Variants in GPM6B observed in about 807,000 individuals in gnomAD.
GPM6B encodes glycoprotein M6B, also known as neuronal membrane glycoprotein M6-b.
Under a neutral mutation model 27.2 loss-of-function variants are expected in GPM6B, and 4 were observed. That is an observed-to-expected ratio of 0.15 (90% CI 0.07 to 0.34). The LOEUF (loss-of-function observed/expected upper bound fraction) is 0.34. GPM6B is among the 10% of genes least tolerant of loss of function. The pLI is 1.00. For missense variants in GPM6B, 183 were observed against 261.9 expected (o/e 0.70, Z 2.08); for synonymous variants, 124 against 103.1 (o/e 1.20, Z -1.23).
At chrX:13,865,392 C>T (rs1043509704) in intron 1 of GPM6B, among the ~76,000 whole-genome samples, 3 of 107,027 alleles carry the variant, frequency 2.8e-5, no homozygotes, top group Admixed American at 1.0e-4. Flanking sequence ...AAAGAGGTCA[C>T]GGGCCAAATT....
chrX:13,836,108 T>C (rs779894985), intron 1 of GPM6B, among the ~76,000 whole-genome samples: 40 of 112,159 alleles, frequency 3.6e-4, no homozygotes, highest in Non-Finnish European at 6.8e-4. Context: ...TTTTGTGACC[T>C]GCCAGAGTTT....
chrX:13,826,227 A>C (rs1473907920), intron 1 of GPM6B, among the ~76,000 whole-genome samples: 1 of 110,391 alleles, frequency 9.1e-6, no homozygotes, highest in African/African-American at 3.3e-5. Flanking sequence ...CGGGGACCTG[A>C]GTAGGGCTGA....
At chrX:13,892,916 ATACCT>A (rs746039886) in intron 1 of GPM6B, among the ~76,000 whole-genome samples, 1 of 112,109 alleles carries the variant, frequency 8.9e-6, no homozygotes, top group South Asian at 3.7e-4. Flanking sequence ...ATGGTGGTGC[ATACCT>A]GCAGTCCCAG....
intron 1 of GPM6B, among the ~76,000 whole-genome samples, chrX:13,840,443 G>GT (rs1295753075): frequency 1.8e-5 from 2 of 111,606 alleles, no homozygotes; most frequent in Non-Finnish European, 3.8e-5. Flanking sequence ...ACATTTCCTG[G>GT]TGTCCCCATC....
At position 13,773,953 on chromosome X, in the gene GPM6B, C is replaced by CTTTTTTT. The variant is rs772367299; in HGVS notation, c.838-930_838-924dup. ...AAAAAAAACTACCCACATATAAATCCTTTTTTTTTTTTTTTTTTTTTTTTT... is the reference window on the plus strand; with the variant it reads ...AAAAAAAACTACCCACATATAAATCCTTTTTTTTTTTTTTTTTTTTTTTTTTTTTTTT... On this transcript the variant is annotated intron_variant, in intron 7 of 7. Coordinates refer to ENST00000316715, the MANE Select transcript of GPM6B (RefSeq NM_001001995.3). 17 of 436,313 alleles carry CTTTTTTT rather than the reference C, an allele frequency of 3.9e-5. 1 individual carries two copies. The highest frequency in any genetic ancestry group is 4.2e-5 in the Non-Finnish European group (16 of 379,638). The allele number at this position is 436,313 out of a possible 1,213,427, so 36.0% of individuals were successfully genotyped here.
At chrX:13,890,146 G>A (rs1289609533) in intron 1 of GPM6B, among the ~76,000 whole-genome samples, 1 of 111,344 alleles carries the variant, frequency 9.0e-6, no homozygotes, top group Non-Finnish European at 1.9e-5. Context: ...AGACCTTGCT[G>A]ATAAAACAGG....
At chrX:13,870,096 G>A (rs910847370) in intron 1 of GPM6B, among the ~76,000 whole-genome samples, 2 of 111,780 alleles carry the variant, frequency 1.8e-5, no homozygotes, top group African/African-American at 3.3e-5. Flanking sequence ...ATTCAGCTGG[G>A]GTTATGCATC....
chrX:13,833,249 C>T (rs187677692), intron 1 of GPM6B, among the ~76,000 whole-genome samples: 34 of 111,744 alleles, frequency 3.0e-4, no homozygotes, highest in African/African-American at 1.0e-3. Flanking sequence ...ATAATTTCTA[C>T]ATCAATGACA....
Position 13,778,923 on chromosome X carries a change from T to C in GPM6B, c.697+895A>G, listed in dbSNP as rs146109648. ...TAGTATTATGTTGTAAGGTAAGATG[T>C]TGAGACTAAGCCACATGAGAAAAAC... On this transcript the variant is annotated intron_variant, in intron 5 of 7. Transcript: ENST00000316715. 3.5e-3 allele frequency among the ~76,000 whole-genome samples: 391 copies of C among 112,207 alleles called. 3 individuals carry two copies. Among genetic ancestry groups the C allele is most frequent in the Non-Finnish European group, 5.2e-3 (277 of 53,226 alleles).
At chrX:13,793,655 G>C (rs183980338) in intron 2 of GPM6B, among the ~76,000 whole-genome samples, 1 of 112,353 alleles carries the variant, frequency 8.9e-6, no homozygotes, top group African/African-American at 3.2e-5. Context: ...TTATAGAGCA[G>C]AGGTTCTCCA....
At chrX:13,777,018 A>G (rs1049745712) in intron 6 of GPM6B, among the ~76,000 whole-genome samples, 1 of 66,234 alleles carries the variant, frequency 1.5e-5, no homozygotes, top group African/African-American at 7.6e-5. Flanking sequence ...AATCTTTCAA[A>G]GTAGAAAGAG....
At position 13,783,507 on chromosome X, in the gene GPM6B, T is replaced by C. The variant is rs373648218; in HGVS notation, c.383A>G (p.Gln128Arg). 3 of 1,196,189 alleles carry C rather than the reference T, an allele frequency of 2.5e-6. No homozygotes were observed. The highest frequency in any genetic ancestry group is 3.4e-6 in the Non-Finnish European group (3 of 887,002). The change falls in exon 4 of 8, where the codon CAG becomes CGG. Residue 128 changes from glutamine (Q) to arginine (R), a missense_variant. Gln to Arg is a conservative substitution (Grantham distance 43, BLOSUM62 1). Coordinates refer to ENST00000316715, the MANE Select transcript of GPM6B (RefSeq NM_001001995.3). ...GGACGCAATTCCATAGATGACATAC[T>C]GCATCAGTTGTATCCTACAAAGAGA... ...ALLSEVIQLM[Q>R]YVIYGIASFF...
At chrX:13,866,357 C>G (rs1362323914) in intron 1 of GPM6B, among the ~76,000 whole-genome samples, 1 of 111,940 alleles carries the variant, frequency 8.9e-6, no homozygotes, top group Non-Finnish European at 1.9e-5. Flanking sequence ...GAGTGAAACT[C>G]CGTCTCAAAA....
upstream of GPM6B, among the ~76,000 whole-genome samples, chrX:13,820,412 G>A (rs1341333080): frequency 9.0e-6 from 1 of 110,761 alleles, no homozygotes; most frequent in African/African-American, 3.3e-5. Context: ...GAAGGAAGAA[G>A]TTTGGTAGGG....
intron 1 of GPM6B, among the ~76,000 whole-genome samples, chrX:13,861,989 T>C (rs1355562749): frequency 9.0e-6 from 1 of 111,306 alleles, no homozygotes; most frequent in African/African-American, 3.3e-5. Flanking sequence ...TCTGGCTCAG[T>C]ACAGCTCAGT....
chrX:13,865,559 A>AAAAAAAAAAAAAGAAAG (rs34662549), intron 1 of GPM6B, among the ~76,000 whole-genome samples: 4 of 52,923 alleles, frequency 7.6e-5, no homozygotes, highest in African/African-American at 2.5e-4. Context: ...AAAAAAAAAA[A>AAAAAAAAAAAAAGAAAG]AAAGAAAGAA....
chrX:13,922,419 A>G (rs1223102611), intron 1 of GPM6B, among the ~76,000 whole-genome samples: 1 of 111,957 alleles, frequency 8.9e-6, no homozygotes, highest in Non-Finnish European at 1.9e-5. Context: ...CTTGAGACAA[A>G]AAGAACCTCG....
chrX:13,901,002 C>T (rs5979996), intron 1 of GPM6B, among the ~76,000 whole-genome samples: 2,861 of 111,963 alleles, frequency 0.026, 108 homozygotes, highest in African/African-American at 0.089. Context: ...GTATGACTTG[C>T]AATGTCCCTT....
chrX:13,928,016 CATA>C (rs764303365), intron 1 of GPM6B, among the ~76,000 whole-genome samples: 1 of 112,006 alleles, frequency 8.9e-6, no homozygotes, highest in African/African-American at 3.2e-5. Context: ...TGCTTTTAAC[CATA>C]ATGATTTAGA....
Sources: gnomAD v4.1 joint callset for allele counts (sites outside exome capture counted in the v4.1 genomes callset) on GRCh38, gnomAD v4.1.1 for gene constraint, MANE v1.5 for transcripts, NCBI Gene and HGNC (gene_info 2026-07-23, HGNC 2026-07-21) for gene names.